The following ALK variants were observed in gnomAD, a reference collection of about 807,000 sequenced individuals.
The protein encoded by ALK is ALK receptor tyrosine kinase.
A neutral mutation model predicts 163.1 loss-of-function variants in ALK; 74 were observed. The observed-to-expected ratio is 0.45, with a 90% CI of 0.38 to 0.55. ALK has a LOEUF of 0.55. Among genes scored for constraint, ALK ranks in the 20% least tolerant of loss-of-function variants. The pLI, the probability that ALK is intolerant of heterozygous loss-of-function variation, is 0.00. For synonymous variants in ALK, 960 were observed against 843.2 expected (o/e 1.14, Z -2.40); for missense variants, 2,063 against 2,105.3 (o/e 0.98, Z 0.39).
At chr2:29,566,896 A>G (rs1370504843) in intron 3 of ALK, among the ~76,000 whole-genome samples, 2 of 152,174 alleles carry the variant, frequency 1.3e-5, no homozygotes, top group Non-Finnish European at 2.9e-5. Context: ...TGATATATAA[A>G]CCATGTATGT....
rs536226692 is a variant in ALK, at chr2:29,595,936, T to C, written c.953-63820A>G. 5.3e-5 allele frequency among the ~76,000 whole-genome samples: 8 copies of C among 152,302 alleles called. No homozygotes were observed. In the South Asian group the frequency reaches 1.2e-3, roughly 24 times the overall value. ...ATGAACTCTGGACGAAGATAAGGTG[T>C]CGTGCTCCAGTAGCGGCAAGCTGGC... On this transcript the variant is annotated intron_variant, in intron 3 of 28. Coordinates refer to ENST00000389048, the MANE Select transcript of ALK (RefSeq NM_004304.5).
chr2:29,813,960 T>C (rs1465887554), intron 1 of ALK, among the ~76,000 whole-genome samples: 1 of 152,168 alleles, frequency 6.6e-6, no homozygotes, highest in Non-Finnish European at 1.5e-5. Flanking sequence ...AGTTCATATT[T>C]CAGTAACATC....
chr2:29,657,871 G>A (rs569930132), intron 3 of ALK, among the ~76,000 whole-genome samples: 1 of 152,254 alleles, frequency 6.6e-6, no homozygotes, highest in Admixed American at 6.5e-5. Flanking sequence ...ACTGGTGTTA[G>A]GGAAAGAAAA....
intron 1 of ALK, among the ~76,000 whole-genome samples, chr2:29,768,141 C>A (rs1319131625): frequency 2.0e-5 from 3 of 152,180 alleles, no homozygotes; most frequent in Non-Finnish European, 2.9e-5. Context: ...ACAGCTGTGG[C>A]CACGTCGCTG....
chr2:29,628,108 G>T (rs1676249279), intron 3 of ALK, among the ~76,000 whole-genome samples: 1 of 152,152 alleles, frequency 6.6e-6, no homozygotes, highest in African/African-American at 2.4e-5. Flanking sequence ...CCAGCTATGT[G>T]TAAAGTTAAA....
chr2:29,307,149 C>T (rs1043447305), intron 8 of ALK, among the ~76,000 whole-genome samples: 9 of 152,190 alleles, frequency 5.9e-5, no homozygotes, highest in Non-Finnish European at 7.3e-5. Flanking sequence ...ATGCATACCT[C>T]GTGGCAGCTT....
At chr2:29,464,549 G>A (rs1013827144) in intron 4 of ALK, among the ~76,000 whole-genome samples, 2 of 152,046 alleles carry the variant, frequency 1.3e-5, no homozygotes, top group African/African-American at 4.8e-5. Flanking sequence ...CAAATCAGGG[G>A]AAAAATGAAA....
At chr2:29,477,328 T>A (rs930142754) in intron 4 of ALK, among the ~76,000 whole-genome samples, 3 of 152,180 alleles carry the variant, frequency 2.0e-5, no homozygotes, top group Non-Finnish European at 2.9e-5. Context: ...GGGACACATT[T>A]ACTTAAGCTT....
chr2:29,499,883 C>G (rs1558352668), intron 4 of ALK, among the ~76,000 whole-genome samples: 1 of 152,122 alleles, frequency 6.6e-6, no homozygotes, highest in Non-Finnish European at 1.5e-5. Flanking sequence ...ATACCTTCCC[C>G]TCTCCTTCCC....
At chr2:29,754,740 A>T (rs1327457880) in intron 1 of ALK, among the ~76,000 whole-genome samples, 1 of 152,148 alleles carries the variant, frequency 6.6e-6, no homozygotes, top group Non-Finnish European at 1.5e-5. Context: ...TTGTCTGGGA[A>T]TAAGGACGGT....
At chr2:29,604,835 G>A (rs1400719306) in intron 3 of ALK, among the ~76,000 whole-genome samples, 1 of 152,208 alleles carries the variant, frequency 6.6e-6, no homozygotes, top group Non-Finnish European at 1.5e-5. Context: ...AGAGTGCCTT[G>A]TTTCAGCTCA....
intron 9 of ALK, among the ~76,000 whole-genome samples, chr2:29,279,420 G>T (rs35314727): frequency 2.0e-5 from 3 of 152,174 alleles, no homozygotes; most frequent in Non-Finnish European, 2.9e-5. Context: ...TGCAGGGAAG[G>T]GACAGTGGGA....
At chr2:29,788,742 C>A in intron 1 of ALK, among the ~76,000 whole-genome samples, 1 of 152,162 alleles carries the variant, frequency 6.6e-6, no homozygotes, top group Non-Finnish European at 1.5e-5. Context: ...GGTCAAAGGA[C>A]TTCAGCTTTA....
intron 1 of ALK, among the ~76,000 whole-genome samples, chr2:29,860,027 C>T (rs1403865199): frequency 6.6e-6 from 1 of 152,074 alleles, no homozygotes; most frequent in East Asian, 1.9e-4. Context: ...AGAATCAGAA[C>T]AGCAGTGGCC....
At chr2:29,615,525 G>A (rs566902113) in intron 3 of ALK, among the ~76,000 whole-genome samples, 1 of 152,152 alleles carries the variant, frequency 6.6e-6, no homozygotes, top group East Asian at 1.9e-4. Context: ...AGATAGTGTC[G>A]AACTCATAGT....
intron 1 of ALK, among the ~76,000 whole-genome samples, chr2:29,734,526 G>A (rs574579822): frequency 6.6e-6 from 1 of 151,982 alleles, no homozygotes; most frequent in South Asian, 2.1e-4. Context: ...TCAGTCTAGG[G>A]ATAGTATCTT....
chr2:29,196,713 A>G (rs768400520), intron 28 of ALK, 57 bp downstream of exon 28: 11 of 1,274,628 alleles, frequency 8.6e-6, no homozygotes, highest in African/African-American at 7.3e-5. Context: ...GGTATTTGCC[A>G]TCTTTAAGAC....
At chr2:29,313,431 C>T (rs1666745907) in intron 8 of ALK, among the ~76,000 whole-genome samples, 1 of 152,112 alleles carries the variant, frequency 6.6e-6, no homozygotes, top group Non-Finnish European at 1.5e-5. Flanking sequence ...CTACTCCCAG[C>T]CTGTGGAGAG....
intron 5 of ALK, among the ~76,000 whole-genome samples, chr2:29,366,268 G>A (rs1881426): frequency 1.3e-5 from 2 of 152,212 alleles, no homozygotes; most frequent in Non-Finnish European, 2.9e-5. Flanking sequence ...GAGAGCATGA[G>A]AGGGGCCCTG....
Sources: gnomAD v4.1 joint callset for allele counts (sites outside exome capture counted in the v4.1 genomes callset) on GRCh38, gnomAD v4.1.1 for gene constraint, MANE v1.5 for transcripts, NCBI Gene and HGNC (gene_info 2026-07-23, HGNC 2026-07-21) for gene names.